The following SHISAL1 variants were observed in gnomAD, a reference collection of about 807,000 sequenced individuals.
The protein encoded by SHISAL1 is protein shisa-like-1.
SHISAL1 carries 9 observed loss-of-function variants against 22.6 expected under a neutral mutation model. That is an observed-to-expected ratio of 0.40 (90% confidence interval 0.24 to 0.70). The LOEUF is 0.70. SHISAL1 is among the 30% of genes least tolerant of loss of function. The pLI, the probability that SHISAL1 is intolerant of heterozygous loss-of-function variation, is 0.39. For synonymous variants in SHISAL1, 119 were observed against 115.4 expected, an observed-to-expected ratio of 1.03 and a Z score of -0.20; for missense variants, 246 against 270.6, an observed-to-expected ratio of 0.91 and a Z score of 0.64.
At chr22:44,287,770 C>T (rs1224748324) in intron 3 of SHISAL1, among the ~76,000 whole-genome samples, 1 of 152,146 alleles carries the variant, frequency 6.6e-6, no homozygotes, top group African/African-American at 2.4e-5. Context: ...GGGCAGGTGT[C>T]CCCGGGGTAG....
intron 3 of SHISAL1, among the ~76,000 whole-genome samples, chr22:44,292,495 C>A (rs2055359542): frequency 6.6e-6 from 1 of 152,194 alleles, no homozygotes; most frequent in African/African-American, 2.4e-5. Flanking sequence ...GCCTGGGGCC[C>A]AGCCCCTCCT....
upstream of SHISAL1, among the ~76,000 whole-genome samples, chr22:44,316,389 GT>G (rs145478907): frequency 0.041 from 5,153 of 125,966 alleles, 321 homozygotes; most frequent in African/African-American, 0.14. Flanking sequence ...GCACAGACCT[GT>G]TGGATCAGAA....
intron 4 of SHISAL1, among the ~76,000 whole-genome samples, chr22:44,258,719 G>A (rs2055101253): frequency 6.6e-6 from 1 of 152,126 alleles, no homozygotes; most frequent in Admixed American, 6.5e-5. Context: ...TCAGAAGTGA[G>A]GGTGCAAGAG....
At chr22:44,312,295 C>T (rs923370558) in intron 1 of SHISAL1, among the ~76,000 whole-genome samples, 58 of 152,294 alleles carry the variant, frequency 3.8e-4, no homozygotes, top group African/African-American at 1.3e-3. Context: ...CGAACAGACC[C>T]ACCTCACCCC....
chr22:44,265,794 C>T (rs1212894147), intron 4 of SHISAL1, among the ~76,000 whole-genome samples: 1 of 152,216 alleles, frequency 6.6e-6, no homozygotes, highest in African/African-American at 2.4e-5. Flanking sequence ...TTGCACACCC[C>T]AGCGATGGGG....
intron 4 of SHISAL1, 132 bp downstream of exon 4, chr22:44,285,296 G>T: frequency 1.0e-6 from 1 of 1,004,392 alleles, no homozygotes; most frequent in Non-Finnish European, 1.5e-6. Context: ...AATTTTTCTT[G>T]GCAAACAACA....
At chr22:44,256,194 A>G (rs1449939463) in intron 4 of SHISAL1, among the ~76,000 whole-genome samples, 1 of 142,288 alleles carries the variant, frequency 7.0e-6, no homozygotes, top group South Asian at 2.3e-4. Context: ...TCAGGACTGG[A>G]ACTCACACCA....
chr22:44,275,136 C>T (rs1483289301), intron 4 of SHISAL1, among the ~76,000 whole-genome samples: 1 of 152,232 alleles, frequency 6.6e-6, no homozygotes, highest in Non-Finnish European at 1.5e-5. Flanking sequence ...TTTTTACCTT[C>T]TGTTCTGCCG....
intron 4 of SHISAL1, among the ~76,000 whole-genome samples, chr22:44,260,335 G>C (rs1006904666): frequency 2.0e-5 from 3 of 152,192 alleles, no homozygotes; most frequent in African/African-American, 7.2e-5. Flanking sequence ...CCTGATTTGA[G>C]AGCCCATCTC....
At chr22:44,280,061 C>G (rs1230322728) in intron 4 of SHISAL1, among the ~76,000 whole-genome samples, 2 of 152,166 alleles carry the variant, frequency 1.3e-5, no homozygotes, top group African/African-American at 2.4e-5. Context: ...CTCCTCTCTT[C>G]CAGCCACTCC....
chr22:44,310,663 C>G lies in SHISAL1; in HGVS notation c.-33+2088G>C, dbSNP rs1255153026. 6.6e-6 allele frequency among the ~76,000 whole-genome samples: 1 copy of G among 152,156 alleles called. No individual in the cohort carries two copies. The highest frequency in any genetic ancestry group is 1.5e-5 in the Non-Finnish European group (1 of 68,032). On this transcript the variant is annotated intron_variant, in intron 1 of 4. Coordinates refer to ENST00000381176, the MANE Select transcript of SHISAL1 (RefSeq NM_001099294.2). This position sits in a 1 kb window ranked among gnomAD's most constrained non-coding sequence, Gnocchi z 4.0. ...TCCGATGTTGCCTACTCTACTGTTC[C>G]CAAAGCTGATGGTTTAGGTACCAGA...
intron 3 of SHISAL1, among the ~76,000 whole-genome samples, chr22:44,287,302 G>T (rs989809488): frequency 1.1e-4 from 16 of 152,174 alleles, no homozygotes; most frequent in Non-Finnish European, 2.4e-4. Flanking sequence ...GGGCTCCTCT[G>T]GCCCTGACCA....
rs766947044 is a variant in SHISAL1 at position 44,285,413 on chromosome 22, A to T, written c.599+15T>A. The stretch of plus-strand genomic sequence containing the variant: ...ATGACCCAAATCATTCTGGGTCTCA[A>T]TTGTAGCCACTCACCAGGCAGACGA... On this transcript the variant is annotated intron_variant, in intron 4 of 4. Coordinates refer to ENST00000381176, the MANE Select transcript of SHISAL1 (RefSeq NM_001099294.2). The T allele has an allele frequency of 1.2e-6, 2 of 1,613,506 alleles. No homozygotes were observed.
chr22:44,321,424 C>T, the SHISAL1 span, among the ~76,000 whole-genome samples: 18 of 152,204 alleles, frequency 1.2e-4, no homozygotes, highest in Admixed American at 1.2e-3. Context: ...CAGACTCCAC[C>T]TCCTTGGATG....
At chr22:44,296,586 G>A (rs372476095) in intron 3 of SHISAL1, 86 bp downstream of exon 3, 155 of 1,199,076 alleles carry the variant, frequency 1.3e-4, no homozygotes, top group Middle Eastern at 2.8e-4. Context: ...TTACCCAACC[G>A]CCTCCCTAGG....
At chr22:44,294,152 CA>C (rs1283686876) in intron 3 of SHISAL1, among the ~76,000 whole-genome samples, 5 of 152,356 alleles carry the variant, frequency 3.3e-5, no homozygotes, top group Non-Finnish European at 7.3e-5. Flanking sequence ...TTGTCTTATA[CA>C]AGGCTTGGGT....
chr22:44,289,146 G>A (rs758473896), intron 3 of SHISAL1, among the ~76,000 whole-genome samples: 14 of 152,194 alleles, frequency 9.2e-5, no homozygotes, highest in Non-Finnish European at 1.9e-4. Flanking sequence ...TTCTGAATCC[G>A]TGCAATGGCA....
At position 44,300,940 on chromosome 22, in the gene SHISAL1, G is replaced by T. The variant is rs563963734; in HGVS notation, c.6C>A (p.Thr2=). The T allele has an allele frequency of 6.2e-7, 1 of 1,614,152 alleles. No homozygotes were observed. Among genetic ancestry groups the T allele is most frequent in the South Asian group, 1.1e-5 (1 of 91,082 alleles). The part of the protein sequence containing the change: M[T]SCGQQSLNVL... ...CGTTCAAGGACTGCTGGCCACAACT[G>T]GTCATCGTCTGGCTTGCATTGATCC... The change falls in exon 2 of 5, where the codon ACC becomes ACA. Residue 2 remains threonine, a synonymous_variant. Coordinates refer to ENST00000381176, the MANE Select transcript of SHISAL1 (RefSeq NM_001099294.2).
At chr22:44,284,728 T>A (rs2055299356) in intron 4 of SHISAL1, among the ~76,000 whole-genome samples, 1 of 151,986 alleles carries the variant, frequency 6.6e-6, no homozygotes, top group Non-Finnish European at 1.5e-5. Context: ...CCCTTCCAAC[T>A]CTAGATGCTG....
Sources: allele counts gnomAD v4.1 joint callset (sites outside exome capture counted in the v4.1 genomes callset), GRCh38; gene constraint gnomAD v4.1.1; non-coding constraint Gnocchi (gnomAD v3.1); transcripts MANE v1.5; gene names NCBI Gene and HGNC (gene_info 2026-07-23, HGNC 2026-07-21).